The following UNC5C variants were observed in gnomAD, a reference collection of about 807,000 sequenced individuals.
UNC5C encodes the protein unc-5 netrin receptor C.
A neutral mutation model predicts 99.8 loss-of-function variants in UNC5C; 47 were observed. The ratio of observed to expected loss-of-function variants is 0.47; its 90% CI spans 0.37 to 0.60. The LOEUF is 0.60. UNC5C is among the 20% of genes least tolerant of loss of function. UNC5C has a pLI of 0.00. For missense variants in UNC5C, 1,062 were observed against 1,165.9 expected (o/e 0.91, Z 1.30); for synonymous variants, 487 against 452.2 (o/e 1.08, Z -0.98).
At chr4:95,179,530 TGAGCTCAGGAGTTC>T (rs1736518020) in intron 14 of UNC5C, among the ~76,000 whole-genome samples, 2 of 152,128 alleles carry the variant, frequency 1.3e-5, no homozygotes, top group African/African-American at 4.8e-5. Context: ...GTGGATGACC[TGAGCTCAGGAGTTC>T]GAGACCAGCC....
At chr4:95,252,127 C>T (rs1450506311) in intron 4 of UNC5C, among the ~76,000 whole-genome samples, 1 of 152,134 alleles carries the variant, frequency 6.6e-6, no homozygotes. Context: ...TACTCATATT[C>T]ACTTGACCTG....
chr4:95,295,712 G>A (rs1204043524), intron 3 of UNC5C, among the ~76,000 whole-genome samples: 1 of 152,116 alleles, frequency 6.6e-6, no homozygotes, highest in Non-Finnish European at 1.5e-5. Context: ...TTAAACTTAA[G>A]TTGCCATTTA....
intron 1 of UNC5C, among the ~76,000 whole-genome samples, chr4:95,378,623 A>G (rs1374000904): frequency 6.6e-6 from 1 of 152,162 alleles, no homozygotes; most frequent in Non-Finnish European, 1.5e-5. Context: ...TCTCCAATAG[A>G]TATTTATTTA....
chr4:95,416,629 A>G (rs1746172997), intron 1 of UNC5C, among the ~76,000 whole-genome samples: 1 of 152,242 alleles, frequency 6.6e-6, no homozygotes, highest in Admixed American at 6.5e-5. Context: ...AGTTAGATCC[A>G]GTTCACATAA....
intron 1 of UNC5C, among the ~76,000 whole-genome samples, chr4:95,470,363 A>T (rs748115068): frequency 1.3e-5 from 2 of 152,158 alleles, no homozygotes; most frequent in Admixed American, 6.6e-5. Flanking sequence ...ATGTATTTTA[A>T]AAAGAAGAAT....
At chr4:95,184,354 G>A (rs1736746817) in intron 13 of UNC5C, among the ~76,000 whole-genome samples, 1 of 152,202 alleles carries the variant, frequency 6.6e-6, no homozygotes, top group African/African-American at 2.4e-5. Context: ...GGCAATGCTG[G>A]GGTTTGGGTT....
At chr4:95,376,507 T>C (rs192436609) in intron 1 of UNC5C, among the ~76,000 whole-genome samples, 1 of 152,294 alleles carries the variant, frequency 6.6e-6, no homozygotes, top group Admixed American at 6.5e-5. Context: ...AATCAATTTA[T>C]ACCTTTAGAA....
chr4:95,362,948 T>C (rs926284206), intron 1 of UNC5C, among the ~76,000 whole-genome samples: 1 of 151,734 alleles, frequency 6.6e-6, no homozygotes, highest in African/African-American at 2.4e-5. Flanking sequence ...AAGTGTAGAC[T>C]ACAAAATGCA....
At chr4:95,458,788 T>A (rs946498401) in intron 1 of UNC5C, among the ~76,000 whole-genome samples, 1 of 152,098 alleles carries the variant, frequency 6.6e-6, no homozygotes, top group African/African-American at 2.4e-5. Flanking sequence ...ATCCCCATAA[T>A]GATCCAATGA....
intron 1 of UNC5C, among the ~76,000 whole-genome samples, chr4:95,418,633 T>G (rs535198281): frequency 6.6e-6 from 1 of 152,316 alleles, no homozygotes; most frequent in Admixed American, 6.5e-5. Context: ...AAGCACCAGC[T>G]GTCCATGCCT....
chr4:95,394,942 C>T (rs747362799), intron 1 of UNC5C, among the ~76,000 whole-genome samples: 8 of 152,120 alleles, frequency 5.3e-5, no homozygotes, highest in African/African-American at 4.8e-5. Flanking sequence ...TAGATCAGGG[C>T]AAACTGAATC....
intron 3 of UNC5C, among the ~76,000 whole-genome samples, chr4:95,280,525 C>A (rs1177281536): frequency 1.3e-5 from 2 of 152,068 alleles, no homozygotes; most frequent in Non-Finnish European, 2.9e-5. Context: ...CCAGTCTCTA[C>A]TAAAAATACA....
chr4:95,367,874 C>T (rs1311453453), intron 1 of UNC5C, among the ~76,000 whole-genome samples: 1 of 152,104 alleles, frequency 6.6e-6, no homozygotes, highest in East Asian at 1.9e-4. Context: ...TATCTAAGAA[C>T]ATTATAGATC....
chr4:95,312,755 T>C (rs1742319249), intron 2 of UNC5C, among the ~76,000 whole-genome samples: 1 of 152,152 alleles, frequency 6.6e-6, no homozygotes, highest in Non-Finnish European at 1.5e-5. Flanking sequence ...CACCCTCCTC[T>C]ACAAAACTCA....
At chr4:95,170,102 C>T (rs951871432) in intron 15 of UNC5C, 52 bp downstream of exon 15, 59 of 1,592,794 alleles carry the variant, frequency 3.7e-5, no homozygotes, top group Middle Eastern at 1.8e-4. Context: ...AGTTATCGGT[C>T]CTGGAGGGCA....
intron 4 of UNC5C, 148 bp downstream of exon 4, chr4:95,278,111 C>T (rs1488644586): frequency 1.5e-6 from 1 of 645,536 alleles, no homozygotes; most frequent in Non-Finnish European, 2.7e-6. Context: ...CCCAATCAAT[C>T]TATTTTGCCA....
chr4:95,368,453 A>G (rs1698874386), intron 1 of UNC5C, among the ~76,000 whole-genome samples: 2 of 152,338 alleles, frequency 1.3e-5, no homozygotes, highest in African/African-American at 4.8e-5. Flanking sequence ...AAACAAAAAA[A>G]GGCAAAATTA....
intron 1 of UNC5C, among the ~76,000 whole-genome samples, chr4:95,531,013 C>T (rs563075391): frequency 7.9e-5 from 12 of 152,100 alleles, no homozygotes; most frequent in African/African-American, 1.9e-4. Context: ...TTTTAATAAC[C>T]GGAAAGTCTA....
At chr4:95,370,670 T>C (rs1744717746) in intron 1 of UNC5C, among the ~76,000 whole-genome samples, 1 of 152,232 alleles carries the variant, frequency 6.6e-6, no homozygotes, top group Admixed American at 6.5e-5. Context: ...GCTTGATTTG[T>C]GTTTTTCATT....
Sources: allele counts gnomAD v4.1 joint callset (sites outside exome capture counted in the v4.1 genomes callset), GRCh38; gene constraint gnomAD v4.1.1; transcripts MANE v1.5; gene names NCBI Gene and HGNC (gene_info 2026-07-23, HGNC 2026-07-21).